The following CDYL2 variants were observed in gnomAD, a reference collection of about 807,000 sequenced individuals.
The protein encoded by CDYL2 is chromodomain Y-like protein 2.
A neutral mutation model predicts 49.4 loss-of-function variants in CDYL2; 23 were observed. The ratio of observed to expected loss-of-function variants is 0.47; its 90% CI spans 0.34 to 0.66. The LOEUF (loss-of-function observed/expected upper bound fraction) is 0.66. Ranked by LOEUF, CDYL2 falls within the 30% of genes least tolerant of loss-of-function variation. The pLI is 0.01. For synonymous variants in CDYL2, 360 were observed against 268.8 expected, an observed-to-expected ratio of 1.34 and a Z score of -3.32; for missense variants, 678 against 656.4, an observed-to-expected ratio of 1.03 and a Z score of -0.36.
At chr16:80,672,346 CA>C (rs1567564667) in intron 2 of CDYL2, among the ~76,000 whole-genome samples, 1 of 125,872 alleles carries the variant, frequency 7.9e-6, no homozygotes, top group East Asian at 2.2e-4. Flanking sequence ...CACACACACA[CA>C]CACACAGAGA....
At chr16:80,662,887 A>C (rs1035936345) in intron 2 of CDYL2, 5 of 418,068 alleles carry the variant, frequency 1.2e-5, no homozygotes, top group African/African-American at 2.1e-5. Context: ...CTTAAAGGCA[A>C]GGGCTGTTTT....
intron 1 of CDYL2, among the ~76,000 whole-genome samples, chr16:80,721,137 A>G (rs1463913983): frequency 6.6e-6 from 1 of 152,160 alleles, no homozygotes; most frequent in African/African-American, 2.4e-5. Context: ...AAGTACAAAA[A>G]TCCCAGTGCT....
intron 1 of CDYL2, among the ~76,000 whole-genome samples, chr16:80,756,524 T>C (rs1479039226): frequency 6.6e-6 from 1 of 151,920 alleles, no homozygotes; most frequent in African/African-American, 2.4e-5. Flanking sequence ...CAACTGACAA[T>C]AAAAATAAAC....
In CDYL2 at chr16:80,612,520, C is replaced by A. The variant is rs111231005; in HGVS notation, c.1218+106G>T. ...GACATGAGGCAGCCAAGCCAATCTG[C>A]AGGCTGACAACACCCTCAGGTTTCT... is the stretch of plus-strand genomic sequence containing the variant. On this transcript the variant is annotated intron_variant, in intron 5 of 6. Coordinates refer to ENST00000570137, the MANE Select transcript of CDYL2 (RefSeq NM_152342.4). The surrounding 1 kb of genome is among the most constrained non-coding windows in gnomAD (Gnocchi z 5.0). 2.3e-5 allele frequency: 26 copies of A among 1,152,650 alleles called. No individual in the cohort carries two copies. The African/African-American group carries it at 3.9e-4, about 17-fold the overall frequency. The allele number at this position is 1,152,650 out of a possible 1,614,324, so 71.4% of individuals were successfully genotyped here. A position where few individuals can be genotyped will look rare whatever the true frequency, so the allele number is the denominator to read the frequency against.
intron 5 of CDYL2, among the ~76,000 whole-genome samples, chr16:80,610,229 A>G (rs898239813): frequency 1.3e-5 from 2 of 152,168 alleles, no homozygotes; most frequent in Admixed American, 6.5e-5. Flanking sequence ...GATGGAAACA[A>G]TGGGGGATGG....
At chr16:80,740,409 GTA>G (rs1905694279) in intron 1 of CDYL2, among the ~76,000 whole-genome samples, 1 of 152,062 alleles carries the variant, frequency 6.6e-6, no homozygotes, top group Non-Finnish European at 1.5e-5. Flanking sequence ...TAATTCAAAA[GTA>G]CAACTATGAC....
At chr16:80,794,159 C>G (rs1907694771) in intron 1 of CDYL2, among the ~76,000 whole-genome samples, 1 of 152,142 alleles carries the variant, frequency 6.6e-6, no homozygotes, top group African/African-American at 2.4e-5. Flanking sequence ...GCAGAAGGAG[C>G]CAGTCTTCTC....
chr16:80,736,652 T>A (rs959305710), intron 1 of CDYL2: 1 of 152,240 alleles, frequency 6.6e-6, no homozygotes, highest in African/African-American at 2.4e-5. Context: ...GGCTCACACC[T>A]GTCACCCCAG....
chr16:80,749,649 A>C (rs570099839), intron 1 of CDYL2, among the ~76,000 whole-genome samples: 15 of 152,304 alleles, frequency 9.8e-5, no homozygotes, highest in African/African-American at 3.6e-4. Context: ...AATAAGGACA[A>C]CAACTCCAAC....
chr16:80,767,347 T>G (rs189300751), intron 1 of CDYL2, among the ~76,000 whole-genome samples: 34 of 152,334 alleles, frequency 2.2e-4, no homozygotes, highest in Non-Finnish European at 4.6e-4. Flanking sequence ...TTGGAGACAC[T>G]AAATATACTA....
At chr16:80,727,869 C>T (rs1482756705) in intron 1 of CDYL2, among the ~76,000 whole-genome samples, 1 of 152,164 alleles carries the variant, frequency 6.6e-6, no homozygotes, top group African/African-American at 2.4e-5. Context: ...GGTACTCCAA[C>T]AGACTTGCAG....
At chr16:80,778,603 G>A (rs1008636009) in intron 1 of CDYL2, among the ~76,000 whole-genome samples, 4 of 152,098 alleles carry the variant, frequency 2.6e-5, no homozygotes, top group African/African-American at 4.8e-5. Context: ...GAAATATTAT[G>A]TTCTTTAATC....
At chr16:80,707,459 TC>T (rs1904444710) in intron 1 of CDYL2, among the ~76,000 whole-genome samples, 2 of 152,104 alleles carry the variant, frequency 1.3e-5, no homozygotes, top group Admixed American at 1.3e-4. Context: ...AGATGTTGTC[TC>T]AAAAAAAAGA....
intron 2 of CDYL2, among the ~76,000 whole-genome samples, chr16:80,684,211 G>C (rs1011269252): frequency 6.6e-6 from 1 of 152,206 alleles, no homozygotes; most frequent in African/African-American, 2.4e-5. Flanking sequence ...CTGGGGGTGA[G>C]GACTTGAGCT....
intron 1 of CDYL2, among the ~76,000 whole-genome samples, 180 bp downstream of exon 1, chr16:80,803,970 G>GGGC (rs1908014204): frequency 1.4e-5 from 2 of 139,856 alleles, no homozygotes; most frequent in African/African-American, 2.6e-5. Context: ...GGCGGGCGGC[G>GGGC]GGCGGCGGGC....
chr16:80,737,095 C>T (rs1274557227), intron 1 of CDYL2, among the ~76,000 whole-genome samples: 1 of 152,180 alleles, frequency 6.6e-6, no homozygotes, highest in Non-Finnish European at 1.5e-5. Flanking sequence ...AGATCAGTTT[C>T]AGGACAGCCT....
chr16:80,721,096 C>A (rs1904983246), intron 1 of CDYL2, among the ~76,000 whole-genome samples: 1 of 152,156 alleles, frequency 6.6e-6, no homozygotes, highest in African/African-American at 2.4e-5. Flanking sequence ...GGGCTTCCTT[C>A]TCAGTGCCCC....
At chr16:80,618,014 C>A (rs931912630) in intron 4 of CDYL2, among the ~76,000 whole-genome samples, 1 of 152,178 alleles carries the variant, frequency 6.6e-6, no homozygotes, top group Non-Finnish European at 1.5e-5. Context: ...TCCCTTGGGC[C>A]TCTCTGTGCT....
intron 1 of CDYL2, among the ~76,000 whole-genome samples, chr16:80,712,707 G>A (rs1362777852): frequency 6.6e-6 from 1 of 152,144 alleles, no homozygotes; most frequent in Non-Finnish European, 1.5e-5. Flanking sequence ...AAGCTACAGT[G>A]TACAGCTCTG....
Sources: allele counts gnomAD v4.1 joint callset (sites outside exome capture counted in the v4.1 genomes callset), GRCh38; gene constraint gnomAD v4.1.1; non-coding constraint Gnocchi (gnomAD v3.1); transcripts MANE v1.5; gene names NCBI Gene and HGNC (gene_info 2026-07-23, HGNC 2026-07-21).